The following ZBTB38 variants were observed in gnomAD, a reference collection of about 807,000 sequenced individuals.
The protein encoded by ZBTB38 is zinc finger and BTB domain containing 38, also known as zinc finger and BTB domain-containing protein 38.
In ZBTB38, 20 loss-of-function variants were observed where a neutral mutation model predicts 76.8. The observed-to-expected ratio is 0.26, with a 90% CI of 0.18 to 0.38. ZBTB38 has a LOEUF of 0.38. ZBTB38 is among the 10% of genes least tolerant of loss of function. The pLI is 1.00. For synonymous variants in ZBTB38, 504 were observed against 544.2 expected, an observed-to-expected ratio of 0.93 and a Z score of 1.03; for missense variants, 1,082 against 1,482.3, an observed-to-expected ratio of 0.73 and a Z score of 4.43.
chr3:141,405,568 G>A (rs1161908133), intron 5 of ZBTB38, among the ~76,000 whole-genome samples: 1 of 152,182 alleles, frequency 6.6e-6, no homozygotes, highest in Non-Finnish European at 1.5e-5. Flanking sequence ...TAAGAAATAT[G>A]TTTGTTTAAT....
chr3:141,359,618 A>G (rs1943763125), intron 1 of ZBTB38, among the ~76,000 whole-genome samples: 1 of 152,184 alleles, frequency 6.6e-6, no homozygotes, highest in Non-Finnish European at 1.5e-5. Flanking sequence ...CAGTGAAGAT[A>G]AGAAAAACAG....
intron 5 of ZBTB38, among the ~76,000 whole-genome samples, chr3:141,425,129 T>A (rs760500432): frequency 1.3e-5 from 2 of 152,214 alleles, no homozygotes; most frequent in Admixed American, 1.3e-4. Context: ...GTTCAGACTT[T>A]TAGCCACTGT....
At chr3:141,416,997 G>A (rs183496673) in intron 5 of ZBTB38, among the ~76,000 whole-genome samples, 1 of 152,106 alleles carries the variant, frequency 6.6e-6, no homozygotes, top group East Asian at 1.9e-4. Flanking sequence ...TGTTACAGCG[G>A]CCCCAGGAAA....
chr3:141,329,686 A>G (rs1317944197), intron 1 of ZBTB38, among the ~76,000 whole-genome samples: 2 of 152,210 alleles, frequency 1.3e-5, no homozygotes, highest in Non-Finnish European at 2.9e-5. Flanking sequence ...ATCTTGTAAA[A>G]TGGAAGTTTC....
At chr3:141,366,498 G>C (rs1164876252), upstream of ZBTB38, 1 of 152,240 alleles carries the variant, frequency 6.6e-6, no homozygotes. Flanking sequence ...AGTTGCTGCT[G>C]CTCCCTTGAT....
intron 1 of ZBTB38, among the ~76,000 whole-genome samples, chr3:141,355,723 G>A (rs983864543): frequency 1.3e-5 from 2 of 152,186 alleles, no homozygotes; most frequent in Non-Finnish European, 2.9e-5. Flanking sequence ...CCCATCTTAG[G>A]GGGGTCACCA....
intron 1 of ZBTB38, among the ~76,000 whole-genome samples, chr3:141,346,782 T>TTTTGTGTGTGTGTGTGTGTG (rs150173767): frequency 8.3e-4 from 120 of 144,682 alleles, no homozygotes; most frequent in Non-Finnish European, 9.5e-4. Context: ...TTGTTTTGTT[T>TTTTGTGTGTGTGTGTGTGTG]TGTGTGTGTG....
intron 5 of ZBTB38, among the ~76,000 whole-genome samples, chr3:141,436,235 T>G (rs2078752265): frequency 6.6e-6 from 1 of 152,216 alleles, no homozygotes; most frequent in Non-Finnish European, 1.5e-5. Flanking sequence ...GTCTAAATTT[T>G]CATCCTGGGG....
chr3:141,347,672 A>G (rs1943402929), intron 1 of ZBTB38, among the ~76,000 whole-genome samples: 1 of 152,236 alleles, frequency 6.6e-6, no homozygotes, highest in African/African-American at 2.4e-5. Flanking sequence ...GGAAAAGACC[A>G]GGGTTTCTCT....
intron 1 of ZBTB38, among the ~76,000 whole-genome samples, chr3:141,330,092 AG>A (rs1173907691): frequency 6.6e-6 from 1 of 152,170 alleles, no homozygotes; most frequent in Non-Finnish European, 1.5e-5. Flanking sequence ...TTATTGTGGA[AG>A]AAAGGTGGCA....
At chr3:141,341,815 A>G (rs1943205295) in intron 1 of ZBTB38, among the ~76,000 whole-genome samples, 1 of 152,222 alleles carries the variant, frequency 6.6e-6, no homozygotes, top group African/African-American at 2.4e-5. Context: ...CTGTGAAGAC[A>G]TTGCCAGAAT....
chr3:141,330,889 G>A (rs916656329), intron 1 of ZBTB38, among the ~76,000 whole-genome samples: 1 of 152,168 alleles, frequency 6.6e-6, no homozygotes, highest in Non-Finnish European at 1.5e-5. Context: ...CAGCAAGAAG[G>A]CTCTCACCAG....
intron 5 of ZBTB38, among the ~76,000 whole-genome samples, chr3:141,426,345 T>C (rs1024876928): frequency 5.3e-5 from 8 of 152,244 alleles, no homozygotes; most frequent in Non-Finnish European, 7.3e-5. Flanking sequence ...CAGGTGAGTC[T>C]GATATGCATA....
chr3:141,385,924 C>T (rs1466759820), intron 3 of ZBTB38: 1 of 152,124 alleles, frequency 6.6e-6, no homozygotes, highest in Admixed American at 6.5e-5. Context: ...ACATTTCACT[C>T]ATAAAACGGA....
intron 1 of ZBTB38, among the ~76,000 whole-genome samples, chr3:141,353,268 C>A (rs1434124381): frequency 6.6e-6 from 1 of 152,080 alleles, no homozygotes; most frequent in Non-Finnish European, 1.5e-5. Flanking sequence ...AGCCCTCAGA[C>A]CTCAACCCAA....
chr3:141,416,403 T>C (rs941022205), intron 5 of ZBTB38, among the ~76,000 whole-genome samples: 7 of 152,336 alleles, frequency 4.6e-5, no homozygotes, highest in African/African-American at 1.7e-4. Context: ...CACAGTGGCC[T>C]GGGGTCCCTT....
At chr3:141,353,057 C>A (rs551005280) in intron 1 of ZBTB38, among the ~76,000 whole-genome samples, 10 of 152,176 alleles carry the variant, frequency 6.6e-5, no homozygotes, top group Admixed American at 2.6e-4. Flanking sequence ...TATGTGCAGA[C>A]CATGATGAAG....
At chr3:141,347,200 T>C (rs1943388949) in intron 1 of ZBTB38, among the ~76,000 whole-genome samples, 1 of 152,248 alleles carries the variant, frequency 6.6e-6, no homozygotes, top group African/African-American at 2.4e-5. Flanking sequence ...TCTATGCTCC[T>C]AGTGTTAGGG....
At chr3:141,366,765 A>G (rs1381076985), upstream of ZBTB38, 1 of 152,182 alleles carries the variant, frequency 6.6e-6, no homozygotes, top group African/African-American at 2.4e-5. Flanking sequence ...GGCCTCCACA[A>G]GGGGCTGGAA....
Sources: gnomAD v4.1 joint callset for allele counts (sites outside exome capture counted in the v4.1 genomes callset) on GRCh38, gnomAD v4.1.1 for gene constraint, MANE v1.5 for transcripts, NCBI Gene and HGNC (gene_info 2026-07-23, HGNC 2026-07-21) for gene names.